APOL3: variants seen among roughly 807,000 people sequenced by gnomAD.
APOL3 encodes apolipoprotein L3.
In APOL3, 14 loss-of-function variants were observed where a neutral mutation model predicts 11.6. That is an observed-to-expected ratio of 1.21 (90% CI 0.80 to 1.89). The LOEUF (loss-of-function observed/expected upper bound fraction) is 1.89, where lower values mean the gene tolerates loss of function less well. Among genes scored for constraint, APOL3 ranks in the 40% most tolerant of loss-of-function variants. The pLI, the probability that APOL3 is intolerant of heterozygous loss-of-function variation, is 0.00. For synonymous variants in APOL3, 192 were observed against 190.6 expected, an observed-to-expected ratio of 1.01 and a Z score of -0.06; for missense variants, 483 against 492.1, an observed-to-expected ratio of 0.98 and a Z score of 0.17.
At chr22:36,150,358 T>A (rs996037252) in intron 1 of APOL3, among the ~76,000 whole-genome samples, 1 of 152,186 alleles carries the variant, frequency 6.6e-6, no homozygotes, top group Non-Finnish European at 1.5e-5. Flanking sequence ...TTTGCACCAC[T>A]AATTGCTCTA....
At chr22:36,153,439 C>T (rs574691362) in intron 1 of APOL3, 8 of 455,640 alleles carry the variant, frequency 1.8e-5, no homozygotes, top group Admixed American at 4.7e-5. Context: ...AAGAAAAGTA[C>T]GGATGTTGTC....
rs564275161 is a variant in APOL3, at chr22:36,142,962, G to A, written c.351-904C>T. Among the ~76,000 whole-genome samples the A allele has an allele frequency of 4.6e-5, 7 of 152,262 alleles. No homozygotes were observed. The East Asian group carries it at 9.6e-4, about 21-fold the overall frequency. On this transcript the variant is annotated intron_variant, in intron 2 of 2. Transcript: ENST00000349314. ...TGCTGTCTGATCACGGTCTTCACCC[G>A]CTCCTTACCTGCCTTTAGTTGAGCA...
At chr22:36,154,230 G>A (rs1261167028) in intron 1 of APOL3, among the ~76,000 whole-genome samples, 4 of 152,210 alleles carry the variant, frequency 2.6e-5, no homozygotes, top group African/African-American at 9.7e-5. Context: ...AGCCCTGGCT[G>A]AGGAGGAAGT....
At chr22:36,163,681 C>T (rs2013789049), upstream of APOL3, among the ~76,000 whole-genome samples, 1 of 152,210 alleles carries the variant, frequency 6.6e-6, no homozygotes, top group South Asian at 2.1e-4. Context: ...GAGGCGGAGC[C>T]TCCATCTAAA....
upstream of APOL3, chr22:36,164,831 A>G (rs2013818279): frequency 6.6e-6 from 1 of 152,092 alleles, no homozygotes; most frequent in Non-Finnish European, 1.5e-5. Context: ...CCTTCCTCTA[A>G]TTGGGCTTTT....
intron 1 of APOL3, chr22:36,159,100 T>G (rs964106811): frequency 3.3e-5 from 5 of 152,178 alleles, no homozygotes; most frequent in African/African-American, 1.2e-4. Context: ...TCATCTGAGC[T>G]CTGAGGAGCC....
intron 2 of APOL3, 64 bp from the exon 4 acceptor site, chr22:36,142,122 A>G (rs767855962): frequency 3.4e-5 from 52 of 1,511,218 alleles, no homozygotes; most frequent in Non-Finnish European, 4.6e-5. Context: ...TCAGCTCAAT[A>G]AGATCTGTTC....
chr22:36,158,931 C>T (rs2013346767), intron 1 of APOL3, among the ~76,000 whole-genome samples: 1 of 151,906 alleles, frequency 6.6e-6, no homozygotes, highest in South Asian at 2.1e-4. Context: ...CACAGGGCTC[C>T]ATGAAGTGAA....
chr22:36,148,828 A>G (rs2060315777), intron 1 of APOL3, among the ~76,000 whole-genome samples: 1 of 152,142 alleles, frequency 6.6e-6, no homozygotes, highest in South Asian at 2.1e-4. Context: ...GGAAGTGGGC[A>G]CCTGGGCCAT....
intron 2 of APOL3, among the ~76,000 whole-genome samples, chr22:36,143,078 T>G (rs1192533773): frequency 6.6e-6 from 1 of 152,240 alleles, no homozygotes; most frequent in African/African-American, 2.4e-5. Context: ...GTGTTGGCTG[T>G]GACTCCCCCT....
At chr22:36,165,247 T>C (rs1015751036), upstream of APOL3, 1 of 152,104 alleles carries the variant, frequency 6.6e-6, no homozygotes, top group Non-Finnish European at 1.5e-5. Flanking sequence ...TCTTAAAAAT[T>C]ACTCAACAAA....
chr22:36,161,064 C>T, upstream of APOL3: 1 of 621,932 alleles, frequency 1.6e-6, no homozygotes, highest in East Asian at 2.7e-5. Context: ...TTACTCCCCA[C>T]CCCCAATAAC....
chr22:36,141,199 G>A (rs768049482), exon 3 of APOL3: 4 of 1,611,918 alleles, frequency 2.5e-6, no homozygotes, highest in East Asian at 2.2e-5. Flanking sequence ...CTGGTCTGGG[G>A]TCAGTGGGTA....
intron 1 of APOL3, chr22:36,149,742 A>C: frequency 2.3e-6 from 1 of 428,394 alleles, no homozygotes; most frequent in Non-Finnish European, 4.7e-6. Flanking sequence ...CACTCCCTTA[A>C]ATATATAAAA....
chr22:36,149,793 C>G lies in APOL3; in HGVS notation c.224-4194G>C, dbSNP rs74497482. 3.9e-3 allele frequency: 1,759 copies of G among 455,004 alleles called. 21 individuals are homozygous for G. Among genetic ancestry groups the G allele is most frequent in the African/African-American group, 0.032 (1,621 of 50,102 alleles). The allele number at this position is 455,004 out of a possible 1,614,324, so 28.2% of individuals were successfully genotyped here. A position where few individuals can be genotyped will look rare whatever the true frequency, so the allele number is the denominator to read the frequency against. On this transcript the variant is annotated intron_variant, in intron 1 of 2. Transcript: ENST00000349314. ...TACATGCTTATTGTAAATGACTCCT[C>G]ATTCCAAATCTGTGTCTTGCACTCT...
rs137917067 is a variant in APOL3, at chr22:36,156,604, C to T, written c.223+4065G>A. ...CTCAGGCCTTTGCTCAGGCTGCTCC[C>T]TCCCCTTGGAATGCCTCCCCCACCT... On this transcript the variant is annotated intron_variant, in intron 1 of 2. Transcript: ENST00000349314. 1,315 of 217,818 alleles carry T rather than the reference C, an allele frequency of 6.0e-3. 9 individuals are homozygous for T. The highest frequency in any genetic ancestry group is 8.5e-3 in the Non-Finnish European group (873 of 102,888). The allele number at this position is 217,818 out of a possible 1,614,324, so 13.5% of individuals were successfully genotyped here.
intron 1 of APOL3, among the ~76,000 whole-genome samples, chr22:36,147,441 G>C (rs3788518): frequency 0.14 from 21,741 of 152,216 alleles, 2,007 homozygotes; most frequent in Non-Finnish European, 0.21. Context: ...GTTTCGGAGA[G>C]AGAGTTTCTT....
chr22:36,147,850 A>T (rs132639), intron 1 of APOL3, among the ~76,000 whole-genome samples: 115,855 of 152,100 alleles, frequency 0.76, 45,691 homozygotes, highest in East Asian at 0.99. Flanking sequence ...GCCTTCAGAA[A>T]GGCTGTAACC....
intron 1 of APOL3, chr22:36,155,899 G>A (rs762995056): frequency 1.8e-5 from 3 of 169,150 alleles, no homozygotes; most frequent in East Asian, 1.8e-4. Context: ...GTCAATTCCC[G>A]GAAAGGGACT....
Sources: gnomAD v4.1 joint callset for allele counts (sites outside exome capture counted in the v4.1 genomes callset) on GRCh38, gnomAD v4.1.1 for gene constraint, MANE v1.5 for transcripts, NCBI Gene and HGNC (gene_info 2026-07-23, HGNC 2026-07-21) for gene names.